The following ARB2A variants were observed in gnomAD, a reference collection of about 807,000 sequenced individuals.
The protein encoded by ARB2A is ARB2 cotranscriptional regulator A, also known as cotranscriptional regulator ARB2A.
At chr5:93,961,988 A>G in the ARB2A span, among the ~76,000 whole-genome samples, 1 of 152,190 alleles carries the variant, frequency 6.6e-6, no homozygotes, top group Non-Finnish European at 1.5e-5. Context: ...TACTTTCTAT[A>G]AAGATAGTGC....
At chr5:94,071,018 A>G in the ARB2A span, among the ~76,000 whole-genome samples, 1 of 152,200 alleles carries the variant, frequency 6.6e-6, no homozygotes, top group South Asian at 2.1e-4. Context: ...GTACCATATT[A>G]CCCAGCAGTC....
chr5:93,943,630 T>C, the ARB2A span, among the ~76,000 whole-genome samples: 1 of 152,162 alleles, frequency 6.6e-6, no homozygotes, highest in Non-Finnish European at 1.5e-5. Flanking sequence ...AAAATCTTCC[T>C]GTCACCAAGT....
the ARB2A span, among the ~76,000 whole-genome samples, chr5:93,856,041 A>G: frequency 9.2e-5 from 14 of 151,940 alleles, no homozygotes; most frequent in Admixed American, 9.2e-4. Context: ...AATTCAAACC[A>G]AAGACAAAGA....
chr5:93,724,491 G>T, the ARB2A span, among the ~76,000 whole-genome samples: 262 of 152,104 alleles, frequency 1.7e-3, 1 homozygote, highest in African/African-American at 5.3e-3. Context: ...GCTATGGCAT[G>T]ATGCTTTCTT....
chr5:93,968,077 C>A, the ARB2A span, among the ~76,000 whole-genome samples: 1 of 152,058 alleles, frequency 6.6e-6, no homozygotes, highest in Non-Finnish European at 1.5e-5. Flanking sequence ...TAATGCCTAG[C>A]CAAATAAACA....
chr5:93,684,522 G>A, the ARB2A span, among the ~76,000 whole-genome samples: 2 of 152,110 alleles, frequency 1.3e-5, no homozygotes, highest in Non-Finnish European at 2.9e-5. Flanking sequence ...TTGTTAAATA[G>A]AGAAATGAAT....
At chr5:93,659,520 A>T in the ARB2A span, among the ~76,000 whole-genome samples, 1 of 152,160 alleles carries the variant, frequency 6.6e-6, no homozygotes, top group Admixed American at 6.6e-5. Context: ...AGCAGACATT[A>T]TCTAAGTCTT....
the ARB2A span, among the ~76,000 whole-genome samples, chr5:93,927,533 T>C: frequency 6.6e-6 from 1 of 152,182 alleles, no homozygotes; most frequent in African/African-American, 2.4e-5. Flanking sequence ...TGCTTATAGG[T>C]CTTGCTCTCT....
At chr5:93,780,522 C>T in the ARB2A span, among the ~76,000 whole-genome samples, 1 of 151,834 alleles carries the variant, frequency 6.6e-6, no homozygotes, top group African/African-American at 2.4e-5. Flanking sequence ...TTCTCTTTCT[C>T]TCTTTCTCCC....
At chr5:94,101,889 T>C in the ARB2A span, among the ~76,000 whole-genome samples, 3 of 151,858 alleles carry the variant, frequency 2.0e-5, no homozygotes, top group Non-Finnish European at 4.4e-5. Flanking sequence ...CAACAAACCC[T>C]GTGACACATG....
At chr5:93,860,135 A>C in the ARB2A span, among the ~76,000 whole-genome samples, 1 of 152,150 alleles carries the variant, frequency 6.6e-6, no homozygotes, top group African/African-American at 2.4e-5. Flanking sequence ...TCTACTAAAA[A>C]TACAAAAATT....
At chr5:93,707,731 C>G in the ARB2A span, among the ~76,000 whole-genome samples, 1 of 151,836 alleles carries the variant, frequency 6.6e-6, no homozygotes, top group Non-Finnish European at 1.5e-5. Context: ...CCCGCCCCCA[C>G]GCCTGGCTAA....
At chr5:93,811,805 T>A in the ARB2A span, among the ~76,000 whole-genome samples, 1 of 152,198 alleles carries the variant, frequency 6.6e-6, no homozygotes, top group Non-Finnish European at 1.5e-5. Context: ...GAGATGCTGA[T>A]GATCAGCATA....
At chr5:93,637,767 G>A in the ARB2A span, among the ~76,000 whole-genome samples, 3 of 152,260 alleles carry the variant, frequency 2.0e-5, no homozygotes, top group East Asian at 1.9e-4. Context: ...CCACTGTGCC[G>A]TAAAGGATTA....
the ARB2A span, among the ~76,000 whole-genome samples, chr5:93,944,560 G>C: frequency 1.3e-5 from 2 of 151,994 alleles, no homozygotes; most frequent in East Asian, 3.9e-4. Context: ...CTCCAGCCTG[G>C]GTGACACTCT....
chr5:93,847,433 AT>A, the ARB2A span, among the ~76,000 whole-genome samples: 68 of 152,302 alleles, frequency 4.5e-4, no homozygotes, highest in Middle Eastern at 6.8e-3. Context: ...GAACTTTACC[AT>A]TCTATTTAAA....
chr5:93,944,621 G>A, the ARB2A span, among the ~76,000 whole-genome samples: 1 of 151,562 alleles, frequency 6.6e-6, no homozygotes, highest in African/African-American at 2.4e-5. Context: ...GGGAGGGGAG[G>A]GGAGGGGTGA....
chr5:93,619,717 A>G, the ARB2A span: 1 of 152,232 alleles, frequency 6.6e-6, no homozygotes, highest in Non-Finnish European at 1.5e-5. Flanking sequence ...AAAGTCAGCA[A>G]AACCTTAACA....
the ARB2A span, among the ~76,000 whole-genome samples, chr5:94,012,359 G>A: frequency 5.6e-4 from 86 of 152,338 alleles, no homozygotes; most frequent in African/African-American, 2.1e-3. Context: ...CAGAAATCGC[G>A]CCACTGCACT....
Sources: gnomAD v4.1 joint callset for allele counts (sites outside exome capture counted in the v4.1 genomes callset) on GRCh38, gnomAD v4.1.1 for gene constraint, MANE v1.5 for transcripts, NCBI Gene and HGNC (gene_info 2026-07-23, HGNC 2026-07-21) for gene names.